Variants in HMCN1 observed in about 807,000 individuals in gnomAD.
HMCN1 encodes hemicentin 1.
HMCN1 carries 321 observed loss-of-function variants against 625.9 expected under a neutral mutation model. The observed-to-expected ratio is 0.51, with a 90% CI of 0.47 to 0.56. The LOEUF (loss-of-function observed/expected upper bound fraction) is 0.56. Ranked by LOEUF, HMCN1 falls within the 20% of genes least tolerant of loss-of-function variation. HMCN1 has a pLI of 0.00. For missense variants in HMCN1, 6,588 were observed against 6,887.3 expected (o/e 0.96, Z 1.54); for synonymous variants, 2,425 against 2,417.6 (o/e 1.00, Z -0.09).
intron 1 of HMCN1, among the ~76,000 whole-genome samples, chr1:185,774,979 G>A (rs10489714): frequency 0.089 from 13,548 of 152,130 alleles, 1,915 homozygotes; most frequent in African/African-American, 0.3. Flanking sequence ...CAAAAGGTCA[G>A]TTCTTGGATG....
intron 2 of HMCN1, among the ~76,000 whole-genome samples, chr1:185,861,247 C>A (rs2102349382): frequency 6.6e-6 from 1 of 152,284 alleles, no homozygotes; most frequent in East Asian, 1.9e-4. Context: ...GTTTATCATT[C>A]CTTCTATTCC....
At chr1:186,063,283 TA>T (rs1475188775) in intron 48 of HMCN1, among the ~76,000 whole-genome samples, 1 of 151,426 alleles carries the variant, frequency 6.6e-6, no homozygotes, top group Non-Finnish European at 1.5e-5. Flanking sequence ...GTTCAGCTAC[TA>T]TAATTGGCAT....
chr1:185,901,563 G>A (rs1418673649), intron 4 of HMCN1, among the ~76,000 whole-genome samples: 1 of 151,668 alleles, frequency 6.6e-6, no homozygotes, highest in African/African-American at 2.4e-5. Flanking sequence ...ATTGAATGAG[G>A]TAAAATTTGT....
chr1:185,818,500 CTT>C (rs1659979115), intron 1 of HMCN1, among the ~76,000 whole-genome samples: 2 of 152,080 alleles, frequency 1.3e-5, no homozygotes, highest in Admixed American at 6.6e-5. Context: ...TCACTTTTCT[CTT>C]TTAAAATTTG....
chr1:185,747,923 C>T (rs1654527819), intron 1 of HMCN1, among the ~76,000 whole-genome samples: 1 of 151,940 alleles, frequency 6.6e-6, no homozygotes, highest in Admixed American at 6.6e-5. Flanking sequence ...TGATTACCAC[C>T]AAAAGTGTGT....
chr1:186,011,373 A>G (rs1653991496), intron 30 of HMCN1, among the ~76,000 whole-genome samples: 1 of 152,134 alleles, frequency 6.6e-6, no homozygotes, highest in Non-Finnish European at 1.5e-5. Flanking sequence ...GATTTTACCT[A>G]TTTCGTCTTT....
At chr1:185,822,130 T>C (rs1571402970) in intron 1 of HMCN1, among the ~76,000 whole-genome samples, 1 of 152,040 alleles carries the variant, frequency 6.6e-6, no homozygotes, top group East Asian at 1.9e-4. Context: ...TAATGGTAGG[T>C]ATATGTCACT....
chr1:186,185,703 A>C (rs1653255471), intron 105 of HMCN1, among the ~76,000 whole-genome samples: 1 of 152,236 alleles, frequency 6.6e-6, no homozygotes, highest in Non-Finnish European at 1.5e-5. Context: ...AGCCAAATCT[A>C]AAATGCTTAC....
At chr1:185,927,681 A>C (rs1667346244) in intron 9 of HMCN1, among the ~76,000 whole-genome samples, 2 of 152,284 alleles carry the variant, frequency 1.3e-5, no homozygotes, top group South Asian at 2.1e-4. Flanking sequence ...TTCAGAATTC[A>C]GTGGTAAGTC....
chr1:185,983,086 ATCTT>A (rs1651763580), intron 18 of HMCN1, among the ~76,000 whole-genome samples: 2 of 152,192 alleles, frequency 1.3e-5, no homozygotes, highest in Admixed American at 6.5e-5. Flanking sequence ...TTATATATCA[ATCTT>A]TATTATTATT....
At chr1:186,045,225 A>G (rs1656484307) in intron 40 of HMCN1, among the ~76,000 whole-genome samples, 1 of 152,166 alleles carries the variant, frequency 6.6e-6, no homozygotes, top group Non-Finnish European at 1.5e-5. Context: ...ACGCTGCGAG[A>G]TGGGACTGGA....
chr1:186,106,853 C>T (rs1405947276), intron 69 of HMCN1, 31 bp from the exon 70 acceptor site: 3 of 1,380,654 alleles, frequency 2.2e-6, no homozygotes, highest in South Asian at 1.2e-5. Context: ...AACATGTTAA[C>T]ATTATGTAAT....
chr1:186,046,070 T>G (rs890120912), intron 41 of HMCN1, among the ~76,000 whole-genome samples: 3 of 152,098 alleles, frequency 2.0e-5, no homozygotes, highest in African/African-American at 7.2e-5. Context: ...TATCCAGAAA[T>G]GATCCCAAAA....
Position 185,865,753 on chromosome 1 carries a change from C to A in HMCN1, c.511C>A (p.Leu171Met). 1 of 1,602,026 alleles carries A rather than the reference C, an allele frequency of 6.2e-7. No individual in the cohort carries two copies. The highest frequency in any genetic ancestry group is 8.5e-7 in the Non-Finnish European group (1 of 1,173,708). ...QQKQSQVVFVLTGDCDDRTHI... is the reference protein window; with the variant it reads ...QQKQSQVVFVMTGDCDDRTHI... ...TTTTTAATCATAGGTCGTATTTGTT[C>A]TGACTGGAGATTGTGATGACAGGAC... Residue 171 changes from leucine (L) to methionine (M), a missense_variant, in exon 4 of 107, where the codon CTG becomes ATG. Leu to Met is a conservative substitution (Grantham distance 15, BLOSUM62 2). Coordinates refer to ENST00000271588, the MANE Select transcript of HMCN1 (RefSeq NM_031935.3).
rs555753266 is a variant in HMCN1 at position 186,108,736 on chromosome 1, G to A, written c.10989+139G>A. 8.8e-5 allele frequency: 91 copies of A among 1,039,830 alleles called. 1 individual carries two copies. The highest frequency in any genetic ancestry group is 2.1e-5 in the Non-Finnish European group (15 of 703,718). 64.4% of individuals were successfully genotyped at this position (1,039,830 alleles called of 1,614,324 possible). On this transcript the variant is annotated intron_variant, in intron 71 of 106. Coordinates refer to ENST00000271588, the MANE Select transcript of HMCN1 (RefSeq NM_031935.3). ...TTCAACATTGCAGCAGTAAGCACAG[G>A]GTTTTTAAATTAGCTTTATTATTTG...
chr1:186,055,587 AT>A lies in HMCN1; in HGVS notation c.7059del (p.His2354MetfsTer13). On this transcript the variant is annotated frameshift_variant, in exon 45 of 107. Coordinates refer to ENST00000271588, the MANE Select transcript of HMCN1 (RefSeq NM_031935.3). LOFTEE classifies it high-confidence loss of function. The part of the protein sequence containing the change: ...DEGHILQLKN[I>X]HVSDTGRYVC... Reference sequence around the variant, plus strand: ...AGGTCACATCCTTCAGCTGAAGAACATTCATGTATCTGACACAGGCCGTTAT... The same window carrying A: ...AGGTCACATCCTTCAGCTGAAGAACATCATGTATCTGACACAGGCCGTTAT... 6.2e-7 allele frequency: 1 copy of A among 1,612,836 alleles called. No homozygotes were observed.
At chr1:186,070,490 C>T in intron 51 of HMCN1, 122 bp from the exon 52 acceptor site, 1 of 813,654 alleles carries the variant, frequency 1.2e-6, no homozygotes, top group Middle Eastern at 3.0e-4. Flanking sequence ...AATGAAAGGT[C>T]AGCATAGAAT....
At chr1:186,038,102 T>G in intron 37 of HMCN1, 67 bp downstream of exon 37, 1 of 1,009,036 alleles carries the variant, frequency 9.9e-7, no homozygotes. Context: ...AAATTGGTTT[T>G]GAGCATAATA....
chr1:185,917,330 T>C (rs1320582929), intron 6 of HMCN1, among the ~76,000 whole-genome samples: 2 of 152,220 alleles, frequency 1.3e-5, no homozygotes, highest in African/African-American at 4.8e-5. Context: ...CTAGAAATTA[T>C]GTTATTCTAA....
Sources: gnomAD v4.1 joint callset for allele counts (sites outside exome capture counted in the v4.1 genomes callset) on GRCh38, gnomAD v4.1.1 for gene constraint, MANE v1.5 for transcripts, NCBI Gene and HGNC (gene_info 2026-07-23, HGNC 2026-07-21) for gene names.